The following ITIH1 variants were observed in gnomAD, a reference collection of about 807,000 sequenced individuals.
ITIH1 encodes the protein inter-alpha-trypsin inhibitor heavy chain 1, also known as inter-alpha-trypsin inhibitor heavy chain H1.
In ITIH1, 94 loss-of-function variants were observed where a neutral mutation model predicts 104.6. The observed-to-expected ratio is 0.90, with a 90% CI of 0.76 to 1.07. The LOEUF (loss-of-function observed/expected upper bound fraction) is 1.07. Ranked by LOEUF, ITIH1 falls within the 50% of genes least tolerant of loss-of-function variation. The probability of loss-of-function intolerance (pLI) is 0.00; values close to 1 mark genes in which losing one functional copy is unlikely to be tolerated. For synonymous variants in ITIH1, 455 were observed against 464.4 expected, an observed-to-expected ratio of 0.98 and a Z score of 0.26; for missense variants, 1,193 against 1,181.4, an observed-to-expected ratio of 1.01 and a Z score of -0.14.
At chr3:52,788,431 C>A (rs1192238007) in intron 18 of ITIH1, 86 bp downstream of exon 18, 6 of 867,022 alleles carry the variant, frequency 6.9e-6, no homozygotes, top group African/African-American at 1.7e-5. Flanking sequence ...ATGGCCAAGG[C>A]CCTCACTGCC....
intron 1 of ITIH1, 24 bp from the exon 2 acceptor site, chr3:52,777,973 C>T (rs576072618): frequency 6.2e-7 from 1 of 1,614,200 alleles, no homozygotes; most frequent in South Asian, 1.1e-5. Context: ...TCCTCTCACA[C>T]TTGACCCTGA....
chr3:52,791,481 G>A (rs763338954), intron 20 of ITIH1, 36 bp from the exon 21 acceptor site: 73 of 1,560,168 alleles, frequency 4.7e-5, no homozygotes, highest in Middle Eastern at 1.7e-4. Flanking sequence ...GCAAGTCCCC[G>A]AGATGGTAAC....
chr3:52,784,280 G>A lies in ITIH1; in HGVS notation c.1226-16G>A. On this transcript the variant is annotated splice_polypyrimidine_tract_variant and intron_variant, in intron 10 of 21. Coordinates refer to ENST00000273283, the MANE Select transcript of ITIH1 (RefSeq NM_002215.4). ...TGGGCCAGCATCCCGTCACTACCCAGGTGTGTGGCTTGCAGGGGTGACGGA... is the reference window on the plus strand; with the variant it reads ...TGGGCCAGCATCCCGTCACTACCCAAGTGTGTGGCTTGCAGGGGTGACGGA... The A allele has an allele frequency of 6.2e-7, 1 of 1,609,118 alleles. No individual in the cohort carries two copies.
intron 6 of ITIH1, among the ~76,000 whole-genome samples, chr3:52,781,268 C>T (rs1418980085): frequency 1.5e-5 from 2 of 134,850 alleles, no homozygotes; most frequent in African/African-American, 5.6e-5. Context: ...TCTTCTTCTT[C>T]TTCTTCTTCT....
In ITIH1 at chr3:52,779,541, C is replaced by T. The variant is rs1255600394; in HGVS notation, c.520C>T (p.Gln174Ter). 6.2e-7 allele frequency: 1 copy of T among 1,614,186 alleles called. No homozygotes were observed. The highest frequency in any genetic ancestry group is 1.1e-5 in the South Asian group (1 of 91,080). The change falls in exon 5 of 22, where the codon CAG becomes TAG. Residue 174 changes from glutamine (Q) to a stop codon, truncating the protein, a stop_gained. Transcript: ENST00000273283. LOFTEE classifies it high-confidence loss of function. This position sits in a 1 kb window ranked among gnomAD's most constrained non-coding sequence, Gnocchi z 4.4. ...GGAAGTGCTGAAGAGAAACCATATG[C>T]AGTATGAAATTGTCATCAAAGTCAA... ...YEEVLKRNHMQYEIVIKVKPK... is the reference protein window; with the variant it reads ...YEEVLKRNHM
At chr3:52,791,287 A>T (rs1014275911) in intron 20 of ITIH1, among the ~76,000 whole-genome samples, 1 of 152,060 alleles carries the variant, frequency 6.6e-6, no homozygotes, top group Non-Finnish European at 1.5e-5. Context: ...CTCTCCCCAG[A>T]CAGATCCCGT....
At chr3:52,780,873 C>A (rs1228917584) in intron 6 of ITIH1, among the ~76,000 whole-genome samples, 2 of 152,242 alleles carry the variant, frequency 1.3e-5, no homozygotes, top group Non-Finnish European at 2.9e-5. Context: ...GGCTCACCCC[C>A]ACCCCAGGTT....
At chr3:52,784,553 G>T in intron 11 of ITIH1, 76 bp downstream of exon 11, 1 of 1,419,874 alleles carries the variant, frequency 7.0e-7, no homozygotes, top group Non-Finnish European at 9.7e-7. Context: ...TTGCCCATCA[G>T]CCTAGAGGAG....
chr3:52,789,808 G>T lies in ITIH1; in HGVS notation c.2275G>T (p.Gly759Trp). Residue 759 changes from glycine (G) to tryptophan (W), a missense_variant, in exon 19 of 22, where the codon GGG (glycine) becomes TGG (tryptophan). Coordinates refer to ENST00000273283, the MANE Select transcript of ITIH1 (RefSeq NM_002215.4). Reference sequence around the variant, plus strand: ...CATTACGCTGAACCCCGGCTTTGGTGGGCCTGTGTTTTCCTGGAGGGACCA... The same window carrying T: ...CATTACGCTGAACCCCGGCTTTGGTTGGCCTGTGTTTTCCTGGAGGGACCA... ...QNITLNPGFG[G>W]PVFSWRDQAV... is the part of the protein sequence containing the mutation. The T allele has an allele frequency of 6.2e-7, 1 of 1,614,258 alleles. No homozygotes were observed. The highest frequency in any genetic ancestry group is 8.5e-7 in the Non-Finnish European group (1 of 1,180,046).
At position 52,786,317 on chromosome 3, in the gene ITIH1, C is replaced by T. The variant is rs1356853294; in HGVS notation, c.1616C>T (p.Thr539Ile). ...AHGEGQEFSI[T>I]CLVDEEEMKK... ...CAGGAGGGACAAGAATTCAGTATAACCTGCCTAGTGGATGAGGAGGAGATG... is the reference window on the plus strand; with the variant it reads ...CAGGAGGGACAAGAATTCAGTATAATCTGCCTAGTGGATGAGGAGGAGATG... The change falls in exon 13 of 22, where the codon ACC becomes ATC. Residue 539 changes from threonine (T) to isoleucine (I), a missense_variant. Thr to Ile is a moderately conservative substitution (Grantham distance 89). Transcript: ENST00000273283. 2 of 1,572,224 alleles carry T rather than the reference C, an allele frequency of 1.3e-6. No homozygotes were observed. The highest frequency in any genetic ancestry group is 1.7e-6 in the Non-Finnish European group (2 of 1,157,528).
At chr3:52,787,877 G>C in intron 16 of ITIH1, 109 bp from the exon 17 acceptor site, 1 of 1,108,820 alleles carries the variant, frequency 9.0e-7, no homozygotes. Context: ...ATCCCTGCTT[G>C]GTGGCCTCAG....
At chr3:52,788,511 C>T in intron 18 of ITIH1, among the ~76,000 whole-genome samples, 166 bp downstream of exon 18, 1 of 152,156 alleles carries the variant, frequency 6.6e-6, no homozygotes. Context: ...CCTGGCTGCA[C>T]CTACACAGGG....
rs774905129 is a variant in ITIH1 at position 52,780,306 on chromosome 3, A to G, written c.611A>G (p.Lys204Arg). The change falls in exon 6 of 22, where the codon AAG (lysine) becomes AGG (arginine). Residue 204 changes from lysine (K) to arginine (R), a missense_variant. Transcript: ENST00000273283. ...VDIFEPQGIS[K>R]LDAQASFLPK... is the part of the protein sequence containing the mutation. ...ATCTTCGAGCCCCAGGGGATCAGCA[A>G]GCTGGATGCCCAGGCCTCTTTCCTG... 2.5e-6 allele frequency: 4 copies of G among 1,614,112 alleles called. No homozygotes were observed. In the East Asian group the frequency reaches 8.9e-5, roughly 36 times the overall value.
At chr3:52,777,872 C>A (rs1559459396) in intron 1 of ITIH1, 125 bp from the exon 2 acceptor site, 1 of 1,398,204 alleles carries the variant, frequency 7.2e-7, no homozygotes, top group South Asian at 1.2e-5. Context: ...GACCTCCCAG[C>A]ACCACCAAGG....
Position 52,792,033 on chromosome 3 carries a change from A to G in ITIH1, c.*122A>G. On this transcript the variant is annotated 3_prime_UTR_variant, in exon 22 of 22. Transcript: ENST00000273283. ...CTGGTTCCTTGTGTCAAAGCACCTC[A>G]TGCCTTCCATTAAAGAGAGGCCGTG... 2.6e-6 allele frequency: 3 copies of G among 1,144,768 alleles called. No homozygotes were observed. Among genetic ancestry groups the G allele is most frequent in the Non-Finnish European group, 3.7e-6 (3 of 814,402 alleles). The allele number at this position is 1,144,768 out of a possible 1,614,324, so 70.9% of individuals were successfully genotyped here.
chr3:52,779,355 G>C lies in ITIH1; in HGVS notation c.411-77G>C. On this transcript the variant is annotated intron_variant, in intron 4 of 21. Coordinates refer to ENST00000273283, the MANE Select transcript of ITIH1 (RefSeq NM_002215.4). This position sits in a 1 kb window ranked among gnomAD's most constrained non-coding sequence, Gnocchi z 4.4. ...CATCTAAGAGAAATAAATTCTGTGGGCCACATGTTAGGTGACAAGGACCCA... is the reference window on the plus strand; with the variant it reads ...CATCTAAGAGAAATAAATTCTGTGGCCCACATGTTAGGTGACAAGGACCCA... 4.2e-6 allele frequency: 6 copies of C among 1,439,552 alleles called. No homozygotes were observed. The highest frequency in any genetic ancestry group is 5.9e-6 in the Non-Finnish European group (6 of 1,022,520). 89.2% of individuals were successfully genotyped at this position (1,439,552 alleles called of 1,614,324 possible).
chr3:52,782,937 T>G lies in ITIH1; in HGVS notation c.931-20T>G. ...CCACCCTGGGGCCCTGTCTGTCTACTGACTGTTCTGTCCTTGCAGACCAAG... is the reference window on the plus strand; with the variant it reads ...CCACCCTGGGGCCCTGTCTGTCTACGGACTGTTCTGTCCTTGCAGACCAAG... On this transcript the variant is annotated intron_variant, in intron 8 of 21. Transcript: ENST00000273283. The G allele has an allele frequency of 3.1e-6, 5 of 1,613,422 alleles. No individual in the cohort carries two copies. Among genetic ancestry groups the G allele is most frequent in the Non-Finnish European group, 4.2e-6 (5 of 1,179,668 alleles).
At chr3:52,790,308 C>G (rs150878575) in intron 19 of ITIH1, 7 of 267,790 alleles carry the variant, frequency 2.6e-5, no homozygotes, top group Admixed American at 5.1e-5. Flanking sequence ...CTGTGCCAAG[C>G]ACCAGAGCAA....
At position 52,789,788 on chromosome 3, in the gene ITIH1, C is replaced by A; in HGVS notation, c.2255C>A (p.Thr752Lys). ...FQLEVTPQNI[T>K]LNPGFGGPVF... Reference sequence around the variant, plus strand: ...TTGGAAGTGACTCCTCAGAACATTACGCTGAACCCCGGCTTTGGTGGGCCT... The same window carrying A: ...TTGGAAGTGACTCCTCAGAACATTAAGCTGAACCCCGGCTTTGGTGGGCCT... Residue 752 changes from threonine to lysine, a missense_variant, in exon 19 of 22, where the codon ACG (threonine) becomes AAG (lysine). By Grantham distance (78) the Thr-to-Lys change is moderately conservative. Transcript: ENST00000273283. The A allele has an allele frequency of 6.2e-7, 1 of 1,614,244 alleles. No individual in the cohort carries two copies. Among genetic ancestry groups the A allele is most frequent in the Non-Finnish European group, 8.5e-7 (1 of 1,180,034 alleles).
Sources: gnomAD v4.1 joint callset for allele counts (sites outside exome capture counted in the v4.1 genomes callset) on GRCh38, gnomAD v4.1.1 for gene constraint, Gnocchi (gnomAD v3.1) non-coding constraint, MANE v1.5 for transcripts, NCBI Gene and HGNC (gene_info 2026-07-23, HGNC 2026-07-21) for gene names.